The following OSBPL10 variants were observed in gnomAD, a reference collection of about 807,000 sequenced individuals.
The protein encoded by OSBPL10 is oxysterol binding protein like 10.
A neutral mutation model predicts 81.7 loss-of-function variants in OSBPL10; 49 were observed. The observed-to-expected ratio is 0.60, with a 90% CI of 0.48 to 0.76. The LOEUF (loss-of-function observed/expected upper bound fraction) is 0.76. Ranked by LOEUF, OSBPL10 falls within the 30% of genes least tolerant of loss-of-function variation. The pLI, the probability that OSBPL10 is intolerant of heterozygous loss-of-function variation, is 0.00. For missense variants in OSBPL10, 923 were observed against 987.8 expected (o/e 0.93, Z 0.88); for synonymous variants, 419 against 383.6 (o/e 1.09, Z -1.08).
chr3:31,777,706 G>C (rs1434943600), intron 4 of OSBPL10, among the ~76,000 whole-genome samples: 3 of 152,232 alleles, frequency 2.0e-5, no homozygotes, highest in Non-Finnish European at 2.9e-5. Flanking sequence ...CCCAAAGTGT[G>C]AGGGGAGAAA....
chr3:32,003,607 G>A (rs575674618), intron 2 of OSBPL10, among the ~76,000 whole-genome samples: 98 of 152,328 alleles, frequency 6.4e-4, no homozygotes, highest in Admixed American at 1.5e-3. Flanking sequence ...TCAAGGTCCT[G>A]GGAGGGAACA....
intron 4 of OSBPL10, among the ~76,000 whole-genome samples, chr3:31,824,303 G>A (rs1700050616): frequency 6.6e-6 from 1 of 152,112 alleles, no homozygotes; most frequent in African/African-American, 2.4e-5. Flanking sequence ...TGCTGTAGTT[G>A]CAGGTTGGCC....
At chr3:31,764,539 C>T (rs546361430) in intron 4 of OSBPL10, among the ~76,000 whole-genome samples, 1 of 152,298 alleles carries the variant, frequency 6.6e-6, no homozygotes, top group African/African-American at 2.4e-5. Flanking sequence ...GGATCGAGTT[C>T]CAAAGCTTCT....
rs995797107 is a variant in OSBPL10, at chr3:31,660,932, T to G, written c.*1140A>C. 6.6e-6 allele frequency: 1 copy of G among 152,670 alleles called. No homozygotes were observed. The highest frequency in any genetic ancestry group is 1.5e-5 in the Non-Finnish European group (1 of 68,042). 9.5% of individuals were successfully genotyped at this position (152,670 alleles called of 1,614,324 possible). Reference sequence around the variant, plus strand: ...TAGTATTACTACAGAGAAGCATTCATGCTATTTGGATTTGATAAATATTGG... The same window carrying G: ...TAGTATTACTACAGAGAAGCATTCAGGCTATTTGGATTTGATAAATATTGG... On this transcript the variant is annotated 3_prime_UTR_variant, in exon 12 of 12. Coordinates refer to ENST00000396556, the MANE Select transcript of OSBPL10 (RefSeq NM_017784.5).
chr3:31,828,524 T>C (rs1700152791), intron 4 of OSBPL10, among the ~76,000 whole-genome samples: 3 of 152,088 alleles, frequency 2.0e-5, no homozygotes, highest in African/African-American at 7.2e-5. Context: ...ATTAAGCTAA[T>C]AGCTACTTTT....
intron 4 of OSBPL10, among the ~76,000 whole-genome samples, chr3:31,786,304 A>C (rs1458384913): frequency 1.3e-5 from 2 of 152,120 alleles, no homozygotes; most frequent in Non-Finnish European, 2.9e-5. Flanking sequence ...TCAAATTTAT[A>C]CTTCTCTTTT....
chr3:31,963,786 A>G (rs901248823), intron 1 of OSBPL10, among the ~76,000 whole-genome samples: 2 of 152,062 alleles, frequency 1.3e-5, no homozygotes, highest in Admixed American at 6.6e-5. Flanking sequence ...CTGGATAAAA[A>G]TGCTTTCTTG....
chr3:31,856,992 G>T (rs201408006), intron 3 of OSBPL10, among the ~76,000 whole-genome samples: 1 of 152,144 alleles, frequency 6.6e-6, no homozygotes, highest in South Asian at 2.1e-4. Flanking sequence ...GAACCTGGGC[G>T]GTGGAGGGTT....
At chr3:31,897,782 G>A (rs1049433382) in intron 1 of OSBPL10, among the ~76,000 whole-genome samples, 3 of 151,978 alleles carry the variant, frequency 2.0e-5, no homozygotes, top group African/African-American at 7.2e-5. Flanking sequence ...GGCTGAGGTG[G>A]GCAGATCACA....
intron 3 of OSBPL10, among the ~76,000 whole-genome samples, chr3:31,852,771 G>A (rs1346450552): frequency 6.6e-6 from 1 of 151,960 alleles, no homozygotes; most frequent in Non-Finnish European, 1.5e-5. Flanking sequence ...TAGCGACGGG[G>A]TTTCACCATA....
intron 2 of OSBPL10, among the ~76,000 whole-genome samples, chr3:32,032,899 G>A (rs1395719841): frequency 6.6e-6 from 1 of 152,146 alleles, no homozygotes; most frequent in Non-Finnish European, 1.5e-5. Context: ...AAGATTTGTT[G>A]TTGTTGGAGG....
At chr3:31,859,480 A>G (rs890549158) in intron 3 of OSBPL10, among the ~76,000 whole-genome samples, 4 of 152,222 alleles carry the variant, frequency 2.6e-5, no homozygotes, top group African/African-American at 9.6e-5. Context: ...CAATGTGTAC[A>G]TGGCCTCCAG....
At chr3:31,796,504 GAACC>G (rs1699215199) in intron 4 of OSBPL10, among the ~76,000 whole-genome samples, 1 of 152,102 alleles carries the variant, frequency 6.6e-6, no homozygotes, top group African/African-American at 2.4e-5. Context: ...GTGGGTCCTA[GAACC>G]AATCCCCTGT....
intron 1 of OSBPL10, among the ~76,000 whole-genome samples, chr3:31,928,686 A>G (rs11928972): frequency 0.57 from 85,861 of 150,406 alleles, 25,350 homozygotes; most frequent in African/African-American, 0.73. Flanking sequence ...AGGCTGAGAC[A>G]GGAGAATCAT....
At chr3:31,742,916 C>G (rs974603238) in intron 5 of OSBPL10, among the ~76,000 whole-genome samples, 1 of 151,994 alleles carries the variant, frequency 6.6e-6, no homozygotes, top group Non-Finnish European at 1.5e-5. Context: ...AAACAGATAC[C>G]CAGTCCCCAG....
chr3:31,736,309 AT>A (rs1409510758), intron 5 of OSBPL10, among the ~76,000 whole-genome samples: 1 of 150,882 alleles, frequency 6.6e-6, no homozygotes, highest in Non-Finnish European at 1.5e-5. Flanking sequence ...TTTGACTACA[AT>A]TTTTTTCTTA....
intron 8 of OSBPL10, among the ~76,000 whole-genome samples, chr3:31,680,897 G>C (rs1399486979): frequency 6.6e-6 from 1 of 152,210 alleles, no homozygotes; most frequent in Non-Finnish European, 1.5e-5. Context: ...AGCAGGAAAA[G>C]CCAGACAACC....
At chr3:31,957,377 C>T (rs1194512030) in intron 1 of OSBPL10, among the ~76,000 whole-genome samples, 4 of 152,128 alleles carry the variant, frequency 2.6e-5, no homozygotes, top group African/African-American at 9.7e-5. Context: ...CTGAAAGCAA[C>T]CCAGAGCCAC....
At chr3:31,936,642 G>A (rs948693863) in intron 1 of OSBPL10, among the ~76,000 whole-genome samples, 2 of 151,978 alleles carry the variant, frequency 1.3e-5, no homozygotes, top group African/African-American at 4.8e-5. Flanking sequence ...AAAGTCAGTG[G>A]TTGTCTGTTT....
Sources: gnomAD v4.1 joint callset for allele counts (sites outside exome capture counted in the v4.1 genomes callset) on GRCh38, gnomAD v4.1.1 for gene constraint, MANE v1.5 for transcripts, NCBI Gene and HGNC (gene_info 2026-07-23, HGNC 2026-07-21) for gene names.